Variants in PDE8B observed in about 807,000 individuals in gnomAD.
PDE8B encodes high affinity cAMP-specific and IBMX-insensitive 3',5'-cyclic phosphodiesterase 8B.
In PDE8B, 26 loss-of-function variants were observed where a neutral mutation model predicts 101.3. The observed-to-expected ratio is 0.26, with a 90% CI of 0.19 to 0.36. PDE8B has a LOEUF of 0.36. PDE8B is among the 10% of genes least tolerant of loss of function. PDE8B has a pLI of 1.00. For missense variants in PDE8B, 810 were observed against 1,163.1 expected (o/e 0.70, Z 4.42); for synonymous variants, 424 against 429.3 (o/e 0.99, Z 0.15).
chr5:77,141,403 T>G, the PDE8B span: 1 of 152,222 alleles, frequency 6.6e-6, no homozygotes, highest in Non-Finnish European at 1.5e-5. Flanking sequence ...CAGATAGAGT[T>G]GAGTTGCTTT....
the PDE8B span, among the ~76,000 whole-genome samples, chr5:77,136,901 G>A: frequency 3.8e-3 from 586 of 152,218 alleles, 4 homozygotes; most frequent in African/African-American, 0.014. Flanking sequence ...TGGGCTATGG[G>A]TGAGGACTAT....
intron 1 of PDE8B, among the ~76,000 whole-genome samples, chr5:77,269,022 T>G (rs1278377675): frequency 2.0e-5 from 3 of 151,914 alleles, no homozygotes; most frequent in Non-Finnish European, 2.9e-5. Flanking sequence ...GGTAGCTCTA[T>G]TTTTAGTTTT....
chr5:77,339,672 A>T (rs1298112177), intron 6 of PDE8B, among the ~76,000 whole-genome samples: 1 of 152,168 alleles, frequency 6.6e-6, no homozygotes, highest in African/African-American at 2.4e-5. Flanking sequence ...GAATAATTAT[A>T]GTCTAATTAT....
chr5:77,353,861 A>G (rs935430551), intron 10 of PDE8B, among the ~76,000 whole-genome samples: 9 of 152,222 alleles, frequency 5.9e-5, no homozygotes, highest in Admixed American at 2.0e-4. Flanking sequence ...CATCTGCAGT[A>G]ACAGAATTTT....
At chr5:77,256,763 G>A (rs1480706259) in intron 1 of PDE8B, among the ~76,000 whole-genome samples, 2 of 152,082 alleles carry the variant, frequency 1.3e-5, no homozygotes, top group Admixed American at 1.3e-4. Context: ...TACTAAACTT[G>A]TAAGGCATGA....
At chr5:77,306,071 C>CG (rs1771141486) in intron 1 of PDE8B, among the ~76,000 whole-genome samples, 1 of 152,164 alleles carries the variant, frequency 6.6e-6, no homozygotes, top group African/African-American at 2.4e-5. Context: ...CATGCATACC[C>CG]TTTTTCTTCT....
intron 11 of PDE8B, among the ~76,000 whole-genome samples, chr5:77,404,233 G>T (rs540488929): frequency 6.6e-6 from 1 of 152,080 alleles, no homozygotes; most frequent in South Asian, 2.1e-4. Context: ...TGATCTGCCC[G>T]TCTCAGCCTC....
the PDE8B span, chr5:77,092,379 T>C: frequency 4.6e-5 from 7 of 152,182 alleles, no homozygotes; most frequent in Admixed American, 4.6e-4. Flanking sequence ...ACATCCTTTG[T>C]TCAAGTTTCA....
chr5:77,283,927 T>C (rs745596273), intron 1 of PDE8B, among the ~76,000 whole-genome samples: 5 of 152,238 alleles, frequency 3.3e-5, no homozygotes, highest in Non-Finnish European at 7.3e-5. Context: ...AAAGTGACTC[T>C]ACCATTTTGC....
chr5:77,230,858 CA>C (rs1341861763), intron 1 of PDE8B, among the ~76,000 whole-genome samples: 1 of 152,196 alleles, frequency 6.6e-6, no homozygotes, highest in Non-Finnish European at 1.5e-5. Flanking sequence ...GGAGGAAAAG[CA>C]AGAGACTTAG....
At chr5:77,140,575 C>G in the PDE8B span, 1 of 152,122 alleles carries the variant, frequency 6.6e-6, no homozygotes, top group Non-Finnish European at 1.5e-5. Context: ...TGTGCTGGAC[C>G]CCTATTGACT....
chr5:77,396,991 G>A (rs1384775839), intron 10 of PDE8B, among the ~76,000 whole-genome samples: 1 of 146,708 alleles, frequency 6.8e-6, no homozygotes, highest in Non-Finnish European at 1.5e-5. Context: ...TGAACTAAAA[G>A]GCATTTGAGT....
At chr5:77,324,170 C>T (rs751716219) in intron 2 of PDE8B, among the ~76,000 whole-genome samples, 4 of 151,992 alleles carry the variant, frequency 2.6e-5, no homozygotes, top group Non-Finnish European at 5.9e-5. Flanking sequence ...ATATTGAGTG[C>T]CTTAACGATA....
the PDE8B span, among the ~76,000 whole-genome samples, chr5:77,117,954 A>G: frequency 6.6e-6 from 1 of 151,690 alleles, no homozygotes; most frequent in Non-Finnish European, 1.5e-5. Context: ...TTGTTTTTTG[A>G]GACGGAGTTT....
chr5:77,265,179 T>C lies in PDE8B; in HGVS notation c.340-46815T>C, dbSNP rs1259919476. On this transcript the variant is annotated intron_variant, in intron 1 of 21. Transcript: ENST00000264917. ...GCTCATGGTACTCTTATGGGATGGT[T>C]GGGGCGATGCTATACTGTAAATATC... Among the ~76,000 whole-genome samples the C allele has an allele frequency of 3.9e-5, 6 of 152,280 alleles. No homozygotes were observed. The East Asian group carries it at 1.2e-3, about 29-fold the overall frequency.
chr5:77,354,771 C>T (rs1781771707), intron 10 of PDE8B, among the ~76,000 whole-genome samples: 1 of 152,212 alleles, frequency 6.6e-6, no homozygotes, highest in East Asian at 1.9e-4. Flanking sequence ...CCTTCTTTCT[C>T]ACTTAATGAC....
intron 1 of PDE8B, among the ~76,000 whole-genome samples, chr5:77,239,725 A>G (rs1716264169): frequency 6.6e-6 from 1 of 152,190 alleles, no homozygotes; most frequent in South Asian, 2.1e-4. Flanking sequence ...TTTCTAACAA[A>G]CATGGGCTCC....
chr5:77,120,886 A>G, the PDE8B span, among the ~76,000 whole-genome samples: 107 of 152,328 alleles, frequency 7.0e-4, no homozygotes, highest in Non-Finnish European at 1.4e-3. Context: ...GGTGCCCTGC[A>G]CCTTAGAGAA....
At chr5:77,357,846 A>G (rs1782381049) in intron 10 of PDE8B, among the ~76,000 whole-genome samples, 1 of 152,206 alleles carries the variant, frequency 6.6e-6, no homozygotes, top group Admixed American at 6.5e-5. Context: ...CACCTTCTGT[A>G]GGCCTCCAGA....
Sources: allele counts gnomAD v4.1 joint callset (sites outside exome capture counted in the v4.1 genomes callset), GRCh38; gene constraint gnomAD v4.1.1; transcripts MANE v1.5; gene names NCBI Gene and HGNC (gene_info 2026-07-23, HGNC 2026-07-21).